Variants in DMD observed in about 807,000 individuals in gnomAD.
DMD encodes mutant dystrophin.
DMD carries 63 observed loss-of-function variants against 330.1 expected under a neutral mutation model. That is an observed-to-expected ratio of 0.19 (90% CI 0.16 to 0.24). The LOEUF is 0.24. DMD is among the 10% of genes least tolerant of loss of function. The pLI is 1.00. For missense variants in DMD, 3,344 were observed against 2,684.1 expected, an observed-to-expected ratio of 1.25 and a Z score of -5.43; for synonymous variants, 1,223 against 959.8, an observed-to-expected ratio of 1.27 and a Z score of -5.07.
chrX:31,380,128 A>G lies in DMD; in HGVS notation c.9085-31494T>C, dbSNP rs762000582. 4.5e-3 allele frequency among the ~76,000 whole-genome samples: 503 copies of G among 110,705 alleles called. 1 individual carries two copies. The highest frequency in any genetic ancestry group is 0.013 in the African/African-American group (406 of 30,388). ...TTCTTTTCAAGGGCCTGTTTCCCTT[A>G]CCTCCATAACTGTTGTAGGTATTGA... On this transcript the variant is annotated intron_variant, in intron 60 of 78. Transcript: ENST00000357033.
intron 52 of DMD, among the ~76,000 whole-genome samples, chrX:31,708,856 C>A (rs894350362): frequency 3.6e-5 from 4 of 112,373 alleles, no homozygotes; most frequent in Non-Finnish European, 5.6e-5. Flanking sequence ...GCCATTTTAT[C>A]TTCTGCTTTC....
At chrX:32,766,379 A>G (rs1000615270) in intron 7 of DMD, among the ~76,000 whole-genome samples, 1 of 111,123 alleles carries the variant, frequency 9.0e-6, no homozygotes, top group Non-Finnish European at 1.9e-5. Context: ...AATTTCTTTC[A>G]GGATTGTTTT....
intron 45 of DMD, among the ~76,000 whole-genome samples, chrX:31,956,459 G>T (rs1234431699): frequency 9.0e-6 from 1 of 111,610 alleles, no homozygotes; most frequent in African/African-American, 3.3e-5. Context: ...ACATCAGGAT[G>T]TAAGGGGCAG....
intron 1 of DMD, among the ~76,000 whole-genome samples, chrX:33,074,735 C>T (rs2094812933): frequency 9.0e-6 from 1 of 111,364 alleles, no homozygotes. Context: ...GAGTTCCCAC[C>T]AGCAAGAAGG....
rs767965088 is a variant in DMD, at chrX:33,011,849, C to G, written c.93+8290G>C. 1.0e-3 allele frequency among the ~76,000 whole-genome samples: 116 copies of G among 111,758 alleles called. 2 individuals carry two copies. The highest frequency in any genetic ancestry group is 3.7e-3 in the African/African-American group (115 of 30,844). Reference sequence around the variant, plus strand: ...TAAAATCAGATAAATAATGGATAGGCCCATCAGCCATAAAGAATTGGTTTT... The same window carrying G: ...TAAAATCAGATAAATAATGGATAGGGCCATCAGCCATAAAGAATTGGTTTT... On this transcript the variant is annotated intron_variant, in intron 2 of 78. Transcript: ENST00000357033.
chrX:31,765,729 G>A (rs751906356), intron 51 of DMD, among the ~76,000 whole-genome samples: 1 of 111,363 alleles, frequency 9.0e-6, no homozygotes, highest in South Asian at 3.8e-4. Flanking sequence ...TTTACTAATA[G>A]TGATGTGTGA....
intron 2 of DMD, among the ~76,000 whole-genome samples, chrX:32,883,838 A>AG (rs1557113576): frequency 4.2e-4 from 44 of 104,607 alleles, no homozygotes; most frequent in African/African-American, 1.2e-3. Context: ...AAAAAAAAAA[A>AG]AAAAAAAAAA....
chrX:31,242,358 T>C (rs1249627621), intron 63 of DMD, among the ~76,000 whole-genome samples: 1 of 108,866 alleles, frequency 9.2e-6, no homozygotes, highest in Non-Finnish European at 1.9e-5. Context: ...TTCATACCTT[T>C]GTTTATGCTG....
At chrX:31,527,983 G>A (rs919739457) in intron 55 of DMD, among the ~76,000 whole-genome samples, 1 of 109,876 alleles carries the variant, frequency 9.1e-6, no homozygotes, top group Non-Finnish European at 1.9e-5. Flanking sequence ...TCCTCTATTT[G>A]TTTCTACTAC....
intron 55 of DMD, among the ~76,000 whole-genome samples, chrX:31,509,247 T>C (rs2071248990): frequency 8.9e-6 from 1 of 112,006 alleles, no homozygotes; most frequent in Non-Finnish European, 1.9e-5. Flanking sequence ...TTTATGTTTT[T>C]CTTTCTTTTT....
At chrX:32,719,159 G>T (rs1307020464) in intron 7 of DMD, among the ~76,000 whole-genome samples, 1 of 111,746 alleles carries the variant, frequency 8.9e-6, no homozygotes, top group Non-Finnish European at 1.9e-5. Flanking sequence ...TCATAGCAGT[G>T]TTCCTCAAAG....
chrX:33,061,019 T>C (rs911938203), intron 1 of DMD, among the ~76,000 whole-genome samples: 2 of 111,987 alleles, frequency 1.8e-5, no homozygotes, highest in African/African-American at 6.5e-5. Flanking sequence ...TATCACATTT[T>C]AACAATTTGT....
chrX:33,234,152 G>T (rs1313615224), intron 1 of DMD, among the ~76,000 whole-genome samples: 1 of 111,485 alleles, frequency 9.0e-6, no homozygotes, highest in Admixed American at 9.6e-5. Context: ...TGCACTGCAG[G>T]CACAATTTAA....
At chrX:31,751,179 G>C (rs1414368293) in intron 51 of DMD, among the ~76,000 whole-genome samples, 1 of 109,229 alleles carries the variant, frequency 9.2e-6, no homozygotes, top group African/African-American at 3.3e-5. Context: ...AAAAGAGCCC[G>C]CATCGCCAAG....
chrX:32,124,650 T>C (rs1247969731), intron 44 of DMD, among the ~76,000 whole-genome samples: 3 of 111,999 alleles, frequency 2.7e-5, no homozygotes, highest in Non-Finnish European at 5.6e-5. Context: ...AAGTAAAGAA[T>C]GCCCAATATC....
At chrX:32,954,771 C>T (rs766755464) in intron 2 of DMD, among the ~76,000 whole-genome samples, 1 of 111,118 alleles carries the variant, frequency 9.0e-6, no homozygotes, top group South Asian at 3.9e-4. Context: ...TAGCTCCCAC[C>T]TGCAAGTGAG....
intron 44 of DMD, among the ~76,000 whole-genome samples, chrX:32,038,692 C>T (rs1014170784): frequency 9.2e-6 from 1 of 109,005 alleles, no homozygotes; most frequent in Non-Finnish European, 1.9e-5. Flanking sequence ...TTTTGCATGA[C>T]GACTTCAGGG....
intron 2 of DMD, among the ~76,000 whole-genome samples, chrX:32,927,363 CTTTTTTTTTTTTT>C (rs536073565): frequency 1.8e-5 from 1 of 57,036 alleles, no homozygotes; most frequent in African/African-American, 6.8e-5. Flanking sequence ...TTCTTTCTTT[CTTTTTTTTTTTTT>C]TTTTTTTTTT....
chrX:31,626,636 A>G (rs985022213), intron 55 of DMD, among the ~76,000 whole-genome samples: 23 of 111,521 alleles, frequency 2.1e-4, no homozygotes, highest in African/African-American at 6.8e-4. Flanking sequence ...ACTCTATGCA[A>G]CAGAGCAGCA....
Sources: allele counts gnomAD v4.1 joint callset (sites outside exome capture counted in the v4.1 genomes callset), GRCh38; gene constraint gnomAD v4.1.1; transcripts MANE v1.5; gene names NCBI Gene and HGNC (gene_info 2026-07-23, HGNC 2026-07-21).